The following ANO4 variants were observed in gnomAD, a reference collection of about 807,000 sequenced individuals.
ANO4 encodes anoctamin 4, also known as anoctamin-4.
In ANO4, 69 loss-of-function variants were observed where a neutral mutation model predicts 141.9. The ratio of observed to expected loss-of-function variants is 0.49; its 90% CI spans 0.40 to 0.59. The LOEUF is 0.59. ANO4 is among the 20% of genes least tolerant of loss of function. ANO4 has a pLI of 0.00. For missense variants in ANO4, 894 were observed against 1,162.2 expected (o/e 0.77, Z 3.36); for synonymous variants, 350 against 394.3 (o/e 0.89, Z 1.33).
chr12:100,940,862 C>G (rs1294524916), intron 4 of ANO4, among the ~76,000 whole-genome samples: 2 of 152,116 alleles, frequency 1.3e-5, no homozygotes, highest in Non-Finnish European at 2.9e-5. Flanking sequence ...CAATGTTGTA[C>G]AGCAAGCCCG....
At chr12:101,098,333 C>T (rs1478801716) in intron 21 of ANO4, among the ~76,000 whole-genome samples, 2 of 152,190 alleles carry the variant, frequency 1.3e-5, no homozygotes, top group Non-Finnish European at 2.9e-5. Flanking sequence ...AAGATGTTGA[C>T]AACAATGAGC....
intron 1 of ANO4, among the ~76,000 whole-genome samples, chr12:100,807,581 T>C (rs1199771163): frequency 6.6e-6 from 1 of 152,186 alleles, no homozygotes; most frequent in Non-Finnish European, 1.5e-5. Flanking sequence ...TTTTAACTTT[T>C]AAGCTCAGGG....
At chr12:100,725,289 A>G (rs2031057960) in intron 1 of ANO4, among the ~76,000 whole-genome samples, 1 of 150,632 alleles carries the variant, frequency 6.6e-6, no homozygotes, top group Non-Finnish European at 1.5e-5. Context: ...GGATTCCAGG[A>G]GAAGGCTTTA....
intron 8 of ANO4, among the ~76,000 whole-genome samples, chr12:100,996,601 C>T (rs1475759712): frequency 6.6e-6 from 1 of 152,206 alleles, no homozygotes. Flanking sequence ...AGGAGAATCA[C>T]TTGAACCTGG....
chr12:100,909,778 C>A (rs2041018419), intron 2 of ANO4, among the ~76,000 whole-genome samples: 1 of 152,134 alleles, frequency 6.6e-6, no homozygotes, highest in South Asian at 2.1e-4. Flanking sequence ...TGTTTAAAAG[C>A]TAGATATGTC....
chr12:100,749,546 C>A (rs956211377), intron 3 of ANO4, among the ~76,000 whole-genome samples: 2 of 152,142 alleles, frequency 1.3e-5, no homozygotes, highest in African/African-American at 2.4e-5. Context: ...TTCATTCTTC[C>A]TCCATGTGTG....
intron 1 of ANO4, among the ~76,000 whole-genome samples, chr12:100,828,650 T>C (rs2036485532): frequency 6.6e-6 from 1 of 152,004 alleles, no homozygotes; most frequent in Admixed American, 6.6e-5. Flanking sequence ...AGGATACCAG[T>C]ATCCATTGCC....
intron 23 of ANO4, 79 bp downstream of exon 23, chr12:101,110,635 A>G (rs2050627236): frequency 3.2e-6 from 4 of 1,242,430 alleles, no homozygotes; most frequent in Non-Finnish European, 4.2e-6. Flanking sequence ...CAAACTTTAG[A>G]TTTTTAATTA....
At position 100,974,493 on chromosome 12, in the gene ANO4, C is replaced by G. The variant is rs189961690; in HGVS notation, c.558-352C>G. Among the ~76,000 whole-genome samples, 19 of 152,190 alleles carry G rather than the reference C, an allele frequency of 1.2e-4. No individual in the cohort carries two copies. The East Asian group carries it at 1.9e-3, about 15-fold the overall frequency. On this transcript the variant is annotated intron_variant, in intron 6 of 27. Coordinates refer to ENST00000392977, the MANE Select transcript of ANO4 (RefSeq NM_001286615.2). ...TTATGTATGTTGCCCTCTGATCCAT[C>G]TTTGCATTTTCCTGGGGAAAAAAGC...
intron 3 of ANO4, among the ~76,000 whole-genome samples, chr12:100,774,358 A>G (rs1187084546): frequency 7.2e-5 from 11 of 152,226 alleles, no homozygotes; most frequent in Non-Finnish European, 1.3e-4. Flanking sequence ...GGTCTGCTGA[A>G]TTGCATCAAC....
At chr12:100,867,285 A>T (rs1170156994) in intron 1 of ANO4, among the ~76,000 whole-genome samples, 2 of 152,156 alleles carry the variant, frequency 1.3e-5, no homozygotes, top group Non-Finnish European at 2.9e-5. Flanking sequence ...CAGAATCAGT[A>T]TATTGCCCAG....
chr12:101,044,182 ACT>A (rs1457479068), intron 13 of ANO4, among the ~76,000 whole-genome samples: 2 of 151,782 alleles, frequency 1.3e-5, no homozygotes, highest in Admixed American at 6.6e-5. Flanking sequence ...TTTCTAAGAA[ACT>A]CTTTTTTCAT....
intron 9 of ANO4, among the ~76,000 whole-genome samples, chr12:101,021,461 G>A: frequency 6.6e-6 from 1 of 152,130 alleles, no homozygotes; most frequent in East Asian, 1.9e-4. Flanking sequence ...CATTGAATCA[G>A]CTGACAAAGG....
At chr12:101,042,191 A>G in intron 11 of ANO4, 143 bp from the exon 12 acceptor site, 1 of 970,258 alleles carries the variant, frequency 1.0e-6, no homozygotes, top group East Asian at 2.6e-5. Flanking sequence ...CCTAGATTTG[A>G]TGGGATGTTC....
intron 3 of ANO4, among the ~76,000 whole-genome samples, chr12:100,924,621 G>A (rs1254294766): frequency 6.6e-6 from 1 of 152,002 alleles, no homozygotes; most frequent in Admixed American, 6.6e-5. Context: ...TTCCACAAGA[G>A]AATAAAAATC....
intron 3 of ANO4, among the ~76,000 whole-genome samples, chr12:100,775,645 A>G (rs2033476078): frequency 6.6e-6 from 1 of 152,202 alleles, no homozygotes; most frequent in Non-Finnish European, 1.5e-5. Flanking sequence ...ATTAAATGAA[A>G]TAATACCTAT....
At chr12:101,068,431 G>C in intron 14 of ANO4, 1 of 915,570 alleles carries the variant, frequency 1.1e-6, no homozygotes, top group Non-Finnish European at 1.8e-6. Flanking sequence ...CTGTTTTTAA[G>C]AAGACTGTGT....
chr12:100,853,651 T>G (rs977138033), intron 1 of ANO4, among the ~76,000 whole-genome samples: 2 of 152,096 alleles, frequency 1.3e-5, no homozygotes, highest in Admixed American at 1.3e-4. Flanking sequence ...TCAGAACCTA[T>G]AAAGTCTTTC....
chr12:101,127,140 G>A (rs1053467039), intron 27 of ANO4, 66 bp downstream of exon 27: 37 of 1,432,700 alleles, frequency 2.6e-5, no homozygotes, highest in Non-Finnish European at 1.0e-5. Context: ...TAAACTCCCT[G>A]AAGCAAAGCT....
Sources: gnomAD v4.1 joint callset for allele counts (sites outside exome capture counted in the v4.1 genomes callset) on GRCh38, gnomAD v4.1.1 for gene constraint, MANE v1.5 for transcripts, NCBI Gene and HGNC (gene_info 2026-07-23, HGNC 2026-07-21) for gene names.